TBCD: variants seen among roughly 807,000 people sequenced by gnomAD.
The protein encoded by TBCD is tubulin-specific chaperone D.
TBCD carries 105 observed loss-of-function variants against 169.3 expected under a neutral mutation model. The observed-to-expected ratio is 0.62, with a 90% CI of 0.53 to 0.73. TBCD has a LOEUF of 0.73. Among genes scored for constraint, TBCD ranks in the 30% least tolerant of loss-of-function variants. The probability of loss-of-function intolerance (pLI) is 0.00; values close to 1 mark genes in which losing one functional copy is unlikely to be tolerated. For missense variants in TBCD, 1,444 were observed against 1,600.1 expected, an observed-to-expected ratio of 0.90 and a Z score of 1.66; for synonymous variants, 700 against 643.9, an observed-to-expected ratio of 1.09 and a Z score of -1.32.
At chr17:82,791,939 A>G (rs1029689051) in intron 7 of TBCD, among the ~76,000 whole-genome samples, 7 of 152,214 alleles carry the variant, frequency 4.6e-5, no homozygotes, top group African/African-American at 1.7e-4. Context: ...CCTGTACAGC[A>G]CCTGACTGTG....
intron 13 of TBCD, among the ~76,000 whole-genome samples, chr17:82,865,898 G>C (rs527962336): frequency 2.3e-4 from 35 of 152,290 alleles, no homozygotes; most frequent in African/African-American, 8.2e-4. Context: ...CAAATGACAG[G>C]CTGTCTAGAG....
Position 82,874,787 on chromosome 17 carries a change from C to T in TBCD, c.1475+4407C>T, listed in dbSNP as rs1344120095. Among the ~76,000 whole-genome samples, 1 of 152,180 alleles carries T rather than the reference C, an allele frequency of 6.6e-6. No individual in the cohort carries two copies. Among genetic ancestry groups the T allele is most frequent in the Non-Finnish European group, 1.5e-5 (1 of 68,024 alleles). On this transcript the variant is annotated intron_variant, in intron 14 of 38. Coordinates refer to ENST00000355528, the MANE Select transcript of TBCD (RefSeq NM_005993.5). This position sits in a 1 kb window ranked among gnomAD's most constrained non-coding sequence, Gnocchi z 5.0. ...CACCCGGGTATCGGTTGGGGTGTGC[C>T]CTTCCAGATCTCCCTCCCTTGGTTT...
chr17:82,781,932 G>A (rs1442334831), intron 7 of TBCD, among the ~76,000 whole-genome samples: 1 of 152,216 alleles, frequency 6.6e-6, no homozygotes, highest in East Asian at 1.9e-4. Flanking sequence ...GCTGGTGGAT[G>A]GGCTTGGAGC....
rs2061603847 is a variant in TBCD at position 82,924,506 on chromosome 17, GCA to G, written c.2261-430_2261-429del. ...TACTTTTATTTTTAAAGTGTCACAT[GCA>G]CATATGTTGGCCCACAGTGTTCCTT... On this transcript the variant is annotated intron_variant, in intron 26 of 38. Transcript: ENST00000355528. Among the ~76,000 whole-genome samples, 4 of 152,218 alleles carry G rather than the reference GCA, an allele frequency of 2.6e-5. 1 individual carries two copies. In the South Asian group the frequency reaches 8.3e-4, roughly 31 times the overall value.
At position 82,831,850 on chromosome 17, in the gene TBCD, G is replaced by A. The variant is rs994894302; in HGVS notation, c.1318+16916G>A. Reference sequence around the variant, plus strand: ...GCCGGCTTTCCAGGGGTAGCCAGGAGTGTGGAAGGCCGACTTGGTGTGGAA... The same window carrying A: ...GCCGGCTTTCCAGGGGTAGCCAGGAATGTGGAAGGCCGACTTGGTGTGGAA... On this transcript the variant is annotated intron_variant, in intron 13 of 38. Coordinates refer to ENST00000355528, the MANE Select transcript of TBCD (RefSeq NM_005993.5). This position sits in a 1 kb window ranked among gnomAD's most constrained non-coding sequence, Gnocchi z 4.6. The A allele has an allele frequency of 3.7e-6, 6 of 1,614,128 alleles. No homozygotes were observed. The African/African-American group carries it at 8.0e-5, about 22-fold the overall frequency.
At chr17:82,868,960 G>A (rs898214024) in intron 13 of TBCD, among the ~76,000 whole-genome samples, 3 of 152,112 alleles carry the variant, frequency 2.0e-5, no homozygotes, top group Non-Finnish European at 2.9e-5. Flanking sequence ...AGCGGGTCGT[G>A]TGCAGAGCCC....
intron 13 of TBCD, chr17:82,830,019 T>G (rs1003362496): frequency 9.0e-6 from 13 of 1,443,376 alleles, no homozygotes; most frequent in African/African-American, 8.4e-5. Flanking sequence ...TTGTTTGTTT[T>G]TTTGAGAAGC....
At chr17:82,877,198 C>A (rs747586825) in intron 14 of TBCD, among the ~76,000 whole-genome samples, 2 of 152,176 alleles carry the variant, frequency 1.3e-5, no homozygotes, top group Non-Finnish European at 2.9e-5. Context: ...ACCAGAAATT[C>A]TTGATTCATA....
Position 82,920,498 on chromosome 17 carries a change from G to A in TBCD, c.2039-58G>A. 7.5e-6 allele frequency: 11 copies of A among 1,457,128 alleles called. No individual in the cohort carries two copies. The South Asian group carries it at 1.4e-4, about 18-fold the overall frequency. 90.3% of individuals were successfully genotyped at this position (1,457,128 alleles called of 1,614,324 possible). A position where few individuals can be genotyped will look rare whatever the true frequency, so the allele number is the denominator to read the frequency against. ...CAGAATGTGGCAAAGGCAAGCCGCT[G>A]TGGCAGGCGCTTTTAGAAAAGTAAC... On this transcript the variant is annotated intron_variant, in intron 23 of 38. Transcript: ENST00000355528. The surrounding 1 kb of genome is among the most constrained non-coding windows in gnomAD (Gnocchi z 4.1).
intron 13 of TBCD, among the ~76,000 whole-genome samples, chr17:82,863,945 T>C (rs2056975265): frequency 6.6e-6 from 1 of 152,234 alleles, no homozygotes; most frequent in African/African-American, 2.4e-5. Context: ...ACAGCGGCAG[T>C]CCGACGTGCA....
chr17:82,813,768 G>C (rs1298789554), intron 12 of TBCD, among the ~76,000 whole-genome samples: 1 of 152,214 alleles, frequency 6.6e-6, no homozygotes, highest in Non-Finnish European at 1.5e-5. Flanking sequence ...CGGAGCCTCT[G>C]GGCAGACAGT....
Position 82,752,192 on chromosome 17 carries a change from A to C in TBCD, c.-2A>C. The C allele has an allele frequency of 6.6e-7, 1 of 1,518,192 alleles. No homozygotes were observed. Among genetic ancestry groups the C allele is most frequent in the South Asian group, 1.2e-5 (1 of 81,546 alleles). The allele number at this position is 1,518,192 out of a possible 1,614,324, so 94.0% of individuals were successfully genotyped here. A position where few individuals can be genotyped will look rare whatever the true frequency, so the allele number is the denominator to read the frequency against. On this transcript the variant is annotated 5_prime_UTR_variant, in exon 1 of 39. Transcript: ENST00000355528. ...CGGGGGCGCGGTCCCCAGGCTGCCGAGATGGCCCTGAGCGACGAACCGGCC... is the reference window on the plus strand; with the variant it reads ...CGGGGGCGCGGTCCCCAGGCTGCCGCGATGGCCCTGAGCGACGAACCGGCC...
At chr17:82,872,169 C>G (rs149149082) in intron 14 of TBCD, among the ~76,000 whole-genome samples, 2,409 of 152,340 alleles carry the variant, frequency 0.016, 33 homozygotes, top group East Asian at 0.041. Flanking sequence ...CTCCTCCTAT[C>G]CAGGGAGACC....
intron 22 of TBCD, among the ~76,000 whole-genome samples, chr17:82,910,028 A>G (rs1200201301): frequency 1.3e-5 from 2 of 152,228 alleles, no homozygotes; most frequent in Non-Finnish European, 1.5e-5. Context: ...CGTGGTGTGC[A>G]TGTACGGCGC....
chr17:82,764,048 T>C lies in TBCD; in HGVS notation c.319T>C (p.Tyr107His). 2 of 1,613,484 alleles carry C rather than the reference T, an allele frequency of 1.2e-6. No individual in the cohort carries two copies. Among genetic ancestry groups the C allele is most frequent in the Non-Finnish European group, 1.7e-6 (2 of 1,179,508 alleles). The change falls in exon 3 of 39, where the codon TAC becomes CAC. Residue 107 changes from tyrosine to histidine, a missense_variant. By Grantham distance (83) the Tyr-to-His change is moderately conservative. Coordinates refer to ENST00000355528, the MANE Select transcript of TBCD (RefSeq NM_005993.5). The part of the protein sequence containing the change: ...SLVHLAFKFL[Y>H]IITKVRGYKT... The stretch of plus-strand genomic sequence containing the variant: ...TGTACATCTGGCTTTTAAATTTCTT[T>C]ACATCATCACCAAGGTAACATTTCC...
chr17:82,929,131 C>T lies in TBCD; in HGVS notation c.2712C>T (p.Cys904=), dbSNP rs777079244. 1.1e-5 allele frequency: 17 copies of T among 1,612,066 alleles called. No homozygotes were observed. In the South Asian group the frequency reaches 1.5e-4, roughly 15 times the overall value. The change falls in exon 31 of 39, where the codon TGC becomes TGT. Residue 904 remains cysteine, a synonymous_variant. Transcript: ENST00000355528. ...IEAHTCERIM[C]CVAQQASEKI... ...TTTGCAGCTGTGAGCGCATCATGTG[C>T]TGTGTGGCCCAGCAGGCCAGTGAGA...
chr17:82,899,361 T>TGTGTCCTCAGC (rs1555640324), intron 17 of TBCD, among the ~76,000 whole-genome samples: 15 of 149,612 alleles, frequency 1.0e-4, no homozygotes, highest in Admixed American at 8.6e-4. Flanking sequence ...GTGTCCGCAG[T>TGTGTCCTCAGC]GCGTCCTCAG....
chr17:82,779,692 C>A (rs1045197850), intron 6 of TBCD, among the ~76,000 whole-genome samples: 1 of 152,210 alleles, frequency 6.6e-6, no homozygotes, highest in African/African-American at 2.4e-5. Flanking sequence ...GGCTCTCGCG[C>A]AGGCCAACTA....
In TBCD at chr17:82,874,163, G is replaced by A. The variant is rs1378791394; in HGVS notation, c.1475+3783G>A. Among the ~76,000 whole-genome samples the A allele has an allele frequency of 6.6e-6, 1 of 152,146 alleles. No homozygotes were observed. The highest frequency in any genetic ancestry group is 1.9e-4 in the East Asian group (1 of 5,176). On this transcript the variant is annotated intron_variant, in intron 14 of 38. Coordinates refer to ENST00000355528, the MANE Select transcript of TBCD (RefSeq NM_005993.5). This position sits in a 1 kb window ranked among gnomAD's most constrained non-coding sequence, Gnocchi z 5.0. ...TGTGGGTCCCACGGTGGGAGGTGGG[G>A]TTGGGGTGAGTGTGACTTCTGTCTG...
Sources: gnomAD v4.1 joint callset for allele counts (sites outside exome capture counted in the v4.1 genomes callset) on GRCh38, gnomAD v4.1.1 for gene constraint, Gnocchi (gnomAD v3.1) non-coding constraint, MANE v1.5 for transcripts, NCBI Gene and HGNC (gene_info 2026-07-23, HGNC 2026-07-21) for gene names.